The following RAB11FIP3 variants were observed in gnomAD, a reference collection of about 807,000 sequenced individuals.
RAB11FIP3 encodes RAB11 family interacting protein 3.
A neutral mutation model predicts 77.8 loss-of-function variants in RAB11FIP3; 17 were observed. That is an observed-to-expected ratio of 0.22 (90% CI 0.15 to 0.33). The LOEUF (loss-of-function observed/expected upper bound fraction) is 0.33, where lower values mean the gene tolerates loss of function less well. RAB11FIP3 is among the 10% of genes least tolerant of loss of function. RAB11FIP3 has a pLI of 1.00. For synonymous variants in RAB11FIP3, 437 were observed against 448.2 expected (o/e 0.98, Z 0.31); for missense variants, 1,005 against 1,011.2 (o/e 0.99, Z 0.08).
chr16:506,977 T>C lies in RAB11FIP3; in HGVS notation c.1499+1350T>C, dbSNP rs2031906624. 4.6e-5 allele frequency among the ~76,000 whole-genome samples: 7 copies of C among 152,146 alleles called. No homozygotes were observed. On this transcript the variant is annotated intron_variant, in intron 8 of 13. Transcript: ENST00000262305. The surrounding 1 kb of genome is among the most constrained non-coding windows in gnomAD (Gnocchi z 4.5). ...TGCCAGATGCACTTGTTTTGTTTTG[T>C]TTTTTGAGAGACAGGGCCTCGCTCT... is the stretch of plus-strand genomic sequence containing the variant.
chr16:498,435 A>G (rs923841232), intron 6 of RAB11FIP3, among the ~76,000 whole-genome samples: 1 of 152,194 alleles, frequency 6.6e-6, no homozygotes, highest in Non-Finnish European at 1.5e-5. Flanking sequence ...TTGGCCTCCC[A>G]AAGTACTGGG....
chr16:441,201 C>A (rs1454307645), intron 1 of RAB11FIP3, among the ~76,000 whole-genome samples: 2 of 152,200 alleles, frequency 1.3e-5, no homozygotes, highest in Non-Finnish European at 2.9e-5. Flanking sequence ...CTCAGCCTCG[C>A]AGAGTGCTGG....
chr16:499,147 G>A (rs1196198750), intron 6 of RAB11FIP3, among the ~76,000 whole-genome samples: 1 of 152,190 alleles, frequency 6.6e-6, no homozygotes, highest in Non-Finnish European at 1.5e-5. Context: ...TGGAGGCGGA[G>A]CTTGGAGTGA....
rs142673366 is a variant in RAB11FIP3, at chr16:520,737, G to A, written c.2169G>A (p.Ala723=). The A allele has an allele frequency of 1.8e-3, 2,916 of 1,613,696 alleles. 5 individuals are homozygous for A. Among genetic ancestry groups the A allele is most frequent in the Non-Finnish European group, 2.3e-3 (2,706 of 1,180,008 alleles). The change falls in exon 14 of 14, where the codon GCG becomes GCA. Residue 723 remains alanine, a synonymous_variant. Transcript: ENST00000262305. ...SSVSRDELME[A]IQKQEEINFR... Reference sequence around the variant, plus strand: ...TGCTTGCCCTACAGCTCATGGAGGCGATTCAGAAGCAGGAGGAGATCAACT... The same window carrying A: ...TGCTTGCCCTACAGCTCATGGAGGCAATTCAGAAGCAGGAGGAGATCAACT...
chr16:464,413 C>T (rs1030422374), intron 2 of RAB11FIP3, among the ~76,000 whole-genome samples: 42 of 152,304 alleles, frequency 2.8e-4, no homozygotes, highest in African/African-American at 9.6e-4. Flanking sequence ...ACATACTGTG[C>T]CTTGAGGCTT....
Position 520,892 on chromosome 16 carries a change from G to T in RAB11FIP3, c.*53G>T. The T allele has an allele frequency of 6.9e-7, 1 of 1,442,626 alleles. No individual in the cohort carries two copies. Among genetic ancestry groups the T allele is most frequent in the Non-Finnish European group, 9.8e-7 (1 of 1,025,360 alleles). 89.4% of individuals were successfully genotyped at this position (1,442,626 alleles called of 1,614,324 possible). A position where few individuals can be genotyped will look rare whatever the true frequency, so the allele number is the denominator to read the frequency against. On this transcript the variant is annotated 3_prime_UTR_variant, in exon 14 of 14. Transcript: ENST00000262305. The stretch of plus-strand genomic sequence containing the variant: ...TTCGGGACTCCAACACCCTGGAGTG[G>T]TTCCGTCAGACCATGAGGAGCCAAG...
At chr16:492,394 C>CCCGGGAGACCCGAGGCCGCCCAGAGCCTT in intron 5 of RAB11FIP3, among the ~76,000 whole-genome samples, 1 of 32,118 alleles carries the variant, frequency 3.1e-5, no homozygotes, top group African/African-American at 1.3e-4. Context: ...CCAGAGCCCT[C>CCCGGGAGACCCGAGGCCGCCCAGAGCCTT]CCCGGGAGAC....
chr16:498,391 T>C (rs1190685787), intron 6 of RAB11FIP3, among the ~76,000 whole-genome samples: 1 of 152,178 alleles, frequency 6.6e-6, no homozygotes, highest in Non-Finnish European at 1.5e-5. Flanking sequence ...CCCAGACTGA[T>C]CTTGAGCTCC....
chr16:456,128 T>C (rs2055499160), intron 1 of RAB11FIP3, among the ~76,000 whole-genome samples: 1 of 151,502 alleles, frequency 6.6e-6, no homozygotes, highest in South Asian at 2.1e-4. Flanking sequence ...GGTCAGGAGT[T>C]CAAGACCAGC....
In RAB11FIP3 at chr16:426,447, G is replaced by A. The variant is rs933635607; in HGVS notation, c.441G>A (p.Gly147=). 1 of 1,585,442 alleles carries A rather than the reference G, an allele frequency of 6.3e-7. No homozygotes were observed. The highest frequency in any genetic ancestry group is 8.6e-7 in the Non-Finnish European group (1 of 1,167,226). The change falls in exon 1 of 14, where the codon GGG becomes GGA. Residue 147 remains glycine (G), a synonymous_variant. Coordinates refer to ENST00000262305, the MANE Select transcript of RAB11FIP3 (RefSeq NM_014700.4). The surrounding 1 kb of genome is among the most constrained non-coding windows in gnomAD (Gnocchi z 5.0). Reference sequence around the variant, plus strand: ...AGAGCGCGCCTTTCCGCTTGCAGGGGTCCAGCAGCAGCCACCGAGCGCGGG... The same window carrying A: ...AGAGCGCGCCTTTCCGCTTGCAGGGATCCAGCAGCAGCCACCGAGCGCGGG... ...CPESAPFRLQ[G]SSSSHRARGE...
At chr16:491,053 TC>T in intron 5 of RAB11FIP3, 1 of 1,192,388 alleles carries the variant, frequency 8.4e-7, no homozygotes, top group Non-Finnish European at 1.1e-6. Flanking sequence ...CCTGTCCTGT[TC>T]CCCTCGGCCC....
chr16:481,029 G>C (rs1177928935), intron 3 of RAB11FIP3, among the ~76,000 whole-genome samples: 1 of 55,868 alleles, frequency 1.8e-5, no homozygotes, highest in African/African-American at 4.0e-5. Flanking sequence ...GGCTGGTCTC[G>C]AACTCCCAAC....
rs201368070 is a variant in RAB11FIP3 at position 441,199 on chromosome 16, C to CG, written c.714+14480dup. Among the ~76,000 whole-genome samples the CG allele has an allele frequency of 9.1e-3, 1,392 of 152,326 alleles. 23 individuals are homozygous for CG. Among genetic ancestry groups the CG allele is most frequent in the African/African-American group, 0.032 (1,324 of 41,578 alleles). On this transcript the variant is annotated intron_variant, in intron 1 of 13. Coordinates refer to ENST00000262305, the MANE Select transcript of RAB11FIP3 (RefSeq NM_014700.4). ...TCAGGTGATCCACCTGCCTCAGCCT[C>CG]GCAGAGTGCTGGGATTATAGGCCAC... is the stretch of plus-strand genomic sequence containing the variant.
In RAB11FIP3 at chr16:520,263, C is replaced by G. The variant is rs1351426669; in HGVS notation, c.2002C>G (p.Arg668Gly). ...ARESELEQEV[R>G]RLKQDNRNLK... is the part of the protein sequence containing the mutation. ...GGAGAGCGAGCTGGAGCAGGAGGTC[C>G]GCAGGCTGAAGCAGGTGGGCAGGCC... Residue 668 changes from arginine to glycine, a missense_variant, in exon 12 of 14, where the codon CGC becomes GGC. Physicochemically the swap from Arg to Gly is moderately radical, Grantham distance 125. Around this residue, in one of 4 missense-constraint regions of RAB11FIP3, gnomAD observed 90 missense variants for 129.7 expected, o/e 0.69. Coordinates refer to ENST00000262305, the MANE Select transcript of RAB11FIP3 (RefSeq NM_014700.4). 1 of 1,546,836 alleles carries G rather than the reference C, an allele frequency of 6.5e-7. No individual in the cohort carries two copies. The highest frequency in any genetic ancestry group is 8.7e-7 in the Non-Finnish European group (1 of 1,148,400).
At chr16:486,897 A>G (rs544123896) in intron 4 of RAB11FIP3, among the ~76,000 whole-genome samples, 29 of 152,334 alleles carry the variant, frequency 1.9e-4, no homozygotes, top group African/African-American at 7.0e-4. Context: ...CTCCCCTCAG[A>G]GGGCAGTTTT....
At chr16:454,203 G>A (rs547407414) in intron 1 of RAB11FIP3, among the ~76,000 whole-genome samples, 4 of 152,246 alleles carry the variant, frequency 2.6e-5, no homozygotes, top group Non-Finnish European at 4.4e-5. Flanking sequence ...GAGCAGGGTC[G>A]TTAAGCATCA....
intron 1 of RAB11FIP3, among the ~76,000 whole-genome samples, chr16:445,924 T>C (rs1432162005): frequency 6.6e-6 from 1 of 152,066 alleles, no homozygotes; most frequent in Non-Finnish European, 1.5e-5. Flanking sequence ...GTTCTCTGGA[T>C]GCAGTCCTGA....
chr16:499,777 G>A (rs977186079), intron 6 of RAB11FIP3, among the ~76,000 whole-genome samples: 3 of 131,114 alleles, frequency 2.3e-5, no homozygotes, highest in Admixed American at 1.8e-4. Context: ...TAGCCTGGGC[G>A]ACAGAGCAAG....
intron 1 of RAB11FIP3, among the ~76,000 whole-genome samples, chr16:459,277 CCA>C (rs1335918225): frequency 1.3e-5 from 2 of 151,664 alleles, no homozygotes; most frequent in Non-Finnish European, 2.9e-5. Context: ...CAGGTTCCCA[CCA>C]CCACGCCCAG....
Sources: gnomAD v4.1 joint callset for allele counts (sites outside exome capture counted in the v4.1 genomes callset) on GRCh38, gnomAD v4.1.1 for gene constraint, gnomAD v4.1.1 regional missense constraint, Gnocchi (gnomAD v3.1) non-coding constraint, MANE v1.5 for transcripts, NCBI Gene and HGNC (gene_info 2026-07-23, HGNC 2026-07-21) for gene names.